The following TMPRSS2 variants were observed in gnomAD, a reference collection of about 807,000 sequenced individuals.
TMPRSS2 encodes the protein transmembrane serine protease 2, also known as transmembrane protease serine 2.
A neutral mutation model predicts 67.4 loss-of-function variants in TMPRSS2; 59 were observed. The ratio of observed to expected loss-of-function variants is 0.88; its 90% CI spans 0.71 to 1.09. The LOEUF is 1.09. Ranked by LOEUF, TMPRSS2 falls within the 50% of genes least tolerant of loss-of-function variation. The pLI, the probability that TMPRSS2 is intolerant of heterozygous loss-of-function variation, is 0.00. For synonymous variants in TMPRSS2, 257 were observed against 257.0 expected (o/e 1.00, Z 0.00); for missense variants, 668 against 642.7 (o/e 1.04, Z -0.43).
chr21:41,479,727 T>C (rs2091241952), intron 6 of TMPRSS2, among the ~76,000 whole-genome samples: 1 of 152,138 alleles, frequency 6.6e-6, no homozygotes, highest in African/African-American at 2.4e-5. Flanking sequence ...GAGTGGTAAT[T>C]CATTCTGAAA....
intron 12 of TMPRSS2, 82 bp from the exon 13 acceptor site, chr21:41,467,968 G>A: frequency 6.5e-7 from 1 of 1,528,916 alleles, no homozygotes; most frequent in Non-Finnish European, 9.0e-7. Flanking sequence ...AGAGGAGTTG[G>A]GGGGCGGGGG....
In TMPRSS2 at chr21:41,478,103, G is replaced by A. The variant is rs1455407509; in HGVS notation, c.683+1069C>T. ...TCAGCATTTACAAAGTGCCCAGGCA[G>A]CTGTGTTTAGCTTCTCCACAGGGAC... On this transcript the variant is annotated intron_variant, in intron 7 of 13. Coordinates refer to ENST00000332149, the MANE Select transcript of TMPRSS2 (RefSeq NM_005656.4). This position sits in a 1 kb window ranked among gnomAD's most constrained non-coding sequence, Gnocchi z 4.0. Among the ~76,000 whole-genome samples the A allele has an allele frequency of 6.6e-6, 1 of 152,258 alleles. No individual in the cohort carries two copies. The highest frequency in any genetic ancestry group is 6.5e-5 in the Admixed American group (1 of 15,292).
intron 1 of TMPRSS2, chr21:41,507,859 G>A (rs1192971430): frequency 1.4e-6 from 2 of 1,397,226 alleles, no homozygotes; most frequent in South Asian, 1.4e-5. Flanking sequence ...TCGGCCGTGC[G>A]CAAGGGGTCC....
intron 9 of TMPRSS2, among the ~76,000 whole-genome samples, chr21:41,473,025 T>C (rs548552862): frequency 6.6e-6 from 1 of 152,232 alleles, no homozygotes; most frequent in African/African-American, 2.4e-5. Flanking sequence ...GGGGCTTTGC[T>C]CAAGGGCAGG....
intron 2 of TMPRSS2, among the ~76,000 whole-genome samples, chr21:41,495,442 G>A (rs2091374116): frequency 6.6e-6 from 1 of 152,002 alleles, no homozygotes; most frequent in Admixed American, 6.5e-5. Flanking sequence ...TGGCCAACAT[G>A]GTGAAACCCC....
chr21:41,470,775 G>A (rs755625876), intron 10 of TMPRSS2, 32 bp from the exon 11 acceptor site: 1 of 708,216 alleles, frequency 1.4e-6, no homozygotes, highest in African/African-American at 2.9e-5. Flanking sequence ...CAGTGAGCCA[G>A]GCGGGTATCA....
Position 41,465,774 on chromosome 21 carries a change from T to G in TMPRSS2, c.*368A>C. The G allele has an allele frequency of 3.3e-6, 1 of 298,826 alleles. No individual in the cohort carries two copies. The highest frequency in any genetic ancestry group is 6.2e-6 in the Non-Finnish European group (1 of 161,496). 18.5% of individuals were successfully genotyped at this position (298,826 alleles called of 1,614,324 possible). ...TCTCCCTTTCCATGTCTCTCCTTTT[T>G]CATCTCAAGTCATCCAGCAGCTGAG... On this transcript the variant is annotated 3_prime_UTR_variant, in exon 14 of 14. Coordinates refer to ENST00000332149, the MANE Select transcript of TMPRSS2 (RefSeq NM_005656.4).
chr21:41,473,886 GACGAGGA>G (rs1555891449), intron 8 of TMPRSS2, among the ~76,000 whole-genome samples: 1 of 125,844 alleles, frequency 7.9e-6, no homozygotes, highest in Non-Finnish European at 1.7e-5. Context: ...GGGGTGAGGA[GACGAGGA>G]GGTGAGTGAG....
At chr21:41,495,336 A>C (rs1352741306) in intron 2 of TMPRSS2, among the ~76,000 whole-genome samples, 1 of 151,928 alleles carries the variant, frequency 6.6e-6, no homozygotes, top group Admixed American at 6.6e-5. Flanking sequence ...ACAAAAATAC[A>C]GATTTGGCTG....
intron 1 of TMPRSS2, among the ~76,000 whole-genome samples, chr21:41,507,227 T>A (rs1030352816): frequency 6.6e-6 from 1 of 152,192 alleles, no homozygotes; most frequent in Non-Finnish European, 1.5e-5. Context: ...ACTGGAGCAC[T>A]TGACCACTCA....
intron 3 of TMPRSS2, among the ~76,000 whole-genome samples, chr21:41,490,670 A>G (rs1484137619): frequency 6.6e-6 from 1 of 152,278 alleles, no homozygotes; most frequent in Non-Finnish European, 1.5e-5. Context: ...AGGGTAAGCC[A>G]AAAGTCACAC....
intron 11 of TMPRSS2, 25 bp from the exon 12 acceptor site, chr21:41,468,563 C>A: frequency 1.2e-6 from 2 of 1,612,660 alleles, no homozygotes; most frequent in Non-Finnish European, 1.7e-6. Flanking sequence ...ACTTGTTGAG[C>A]TCCCAGTGTT....
chr21:41,489,562 G>A lies in TMPRSS2; in HGVS notation c.270C>T (p.Thr90=). 1 of 1,614,104 alleles carries A rather than the reference G, an allele frequency of 6.2e-7. No individual in the cohort carries two copies. The highest frequency in any genetic ancestry group is 8.5e-7 in the Non-Finnish European group (1 of 1,179,998). ...KTKKALCITL[T]LGTFLVGAAL... Reference sequence around the variant, plus strand: ...CAGCTCCCACGAGGAAGGTCCCCAGGGTCAAGGTGATGCACAGTGCTTTCT... The same window carrying A: ...CAGCTCCCACGAGGAAGGTCCCCAGAGTCAAGGTGATGCACAGTGCTTTCT... The change falls in exon 4 of 14, where the codon ACC becomes ACT. Residue 90 remains threonine, a synonymous_variant. Coordinates refer to ENST00000332149, the MANE Select transcript of TMPRSS2 (RefSeq NM_005656.4).
At chr21:41,481,159 G>A (rs1484781585) in intron 5 of TMPRSS2, among the ~76,000 whole-genome samples, 3 of 152,208 alleles carry the variant, frequency 2.0e-5, no homozygotes, top group Non-Finnish European at 4.4e-5. Context: ...TCTTAAAACA[G>A]CTGAAAGGCG....
chr21:41,493,224 T>C (rs402303), intron 3 of TMPRSS2, among the ~76,000 whole-genome samples: 90,556 of 151,910 alleles, frequency 0.6, 28,637 homozygotes, highest in Middle Eastern at 0.72. Flanking sequence ...AGTATCTGCT[T>C]GGTGGGGAGC....
chr21:41,479,301 T>C lies in TMPRSS2; in HGVS notation c.573-19A>G, dbSNP rs1724288167. On this transcript the variant is annotated intron_variant, in intron 6 of 13. Coordinates refer to ENST00000332149, the MANE Select transcript of TMPRSS2 (RefSeq NM_005656.4). ...ATTATTCCTAAAAAAGAAAACCTTA[T>C]TTGTGATAATGGTTAAGGCATAAGC... is the stretch of plus-strand genomic sequence containing the variant. The C allele has an allele frequency of 6.3e-7, 1 of 1,581,720 alleles. No homozygotes were observed. Among genetic ancestry groups the C allele is most frequent in the Non-Finnish European group, 8.7e-7 (1 of 1,151,634 alleles).
intron 5 of TMPRSS2, 68 bp from the exon 6 acceptor site, chr21:41,480,670 G>A (rs915153602): frequency 1.3e-5 from 21 of 1,562,562 alleles, no homozygotes; most frequent in Admixed American, 3.7e-5. Context: ...ACGGAGTCTC[G>A]CTCTGTCACC....
intron 1 of TMPRSS2, among the ~76,000 whole-genome samples, chr21:41,499,272 T>C (rs183398094): frequency 3.7e-4 from 56 of 152,230 alleles, no homozygotes; most frequent in African/African-American, 1.3e-3. Context: ...TTAACAATAA[T>C]AGCTAGAGAT....
chr21:41,467,879 C>A lies in TMPRSS2; in HGVS notation c.1322G>T (p.Ser441Ile). The stretch of plus-strand genomic sequence containing the variant: ...CTTCGAAGTGACCAGAGGCCCTCCA[C>A]TGTCACCCTGTGGGACACAGCAAGG... Reference protein sequence around the residue: ...QGNVDSCQGDSGGPLVTSKNN... With the variant: ...QGNVDSCQGDIGGPLVTSKNN... The change falls in exon 13 of 14, where the codon AGT (serine) becomes ATT (isoleucine). Residue 441 changes from serine (S) to isoleucine (I), a missense_variant. Coordinates refer to ENST00000332149, the MANE Select transcript of TMPRSS2 (RefSeq NM_005656.4). The A allele has an allele frequency of 6.2e-7, 1 of 1,614,238 alleles. No individual in the cohort carries two copies. The highest frequency in any genetic ancestry group is 8.5e-7 in the Non-Finnish European group (1 of 1,180,036).
Sources: allele counts gnomAD v4.1 joint callset (sites outside exome capture counted in the v4.1 genomes callset), GRCh38; gene constraint gnomAD v4.1.1; non-coding constraint Gnocchi (gnomAD v3.1); transcripts MANE v1.5; gene names NCBI Gene and HGNC (gene_info 2026-07-23, HGNC 2026-07-21).